The following SLC5A12 variants were observed in gnomAD, a reference collection of about 807,000 sequenced individuals.
SLC5A12 encodes the protein solute carrier family 5 member 12, also known as sodium-coupled monocarboxylate transporter 2.
In SLC5A12, 46 loss-of-function variants were observed where a neutral mutation model predicts 72.7. The ratio of observed to expected loss-of-function variants is 0.63; its 90% CI spans 0.50 to 0.81. The LOEUF is 0.81. Ranked by LOEUF, SLC5A12 falls within the 30% of genes least tolerant of loss-of-function variation. SLC5A12 has a pLI of 0.00. For synonymous variants in SLC5A12, 275 were observed against 264.4 expected (o/e 1.04, Z -0.39); for missense variants, 683 against 740.7 (o/e 0.92, Z 0.90).
At chr11:26,706,980 A>G (rs907580804) in intron 4 of SLC5A12, among the ~76,000 whole-genome samples, 1 of 151,902 alleles carries the variant, frequency 6.6e-6, no homozygotes, top group East Asian at 1.9e-4. Flanking sequence ...TAAAACTGTC[A>G]TATTTTAATG....
At chr11:26,699,100 A>AAAATAAAATGGG (rs1854897853) in intron 6 of SLC5A12, among the ~76,000 whole-genome samples, 1 of 152,214 alleles carries the variant, frequency 6.6e-6, no homozygotes, top group Non-Finnish European at 1.5e-5. Context: ...AATTCATTTT[A>AAAATAAAATGGG]TTTTAAAACC....
rs1009738211 is a variant in SLC5A12 at position 26,670,870 on chromosome 11, G to A, written c.*232C>T. 3.6e-5 allele frequency: 13 copies of A among 358,828 alleles called. No individual in the cohort carries two copies. The highest frequency in any genetic ancestry group is 5.0e-5 in the Non-Finnish European group (10 of 201,626). 22.2% of individuals were successfully genotyped at this position (358,828 alleles called of 1,614,324 possible). Reference sequence around the variant, plus strand: ...TTATTCAAGAAGGAAGTAGTCAAGGGCATTTGGAGCAGGTTGGTTTTTCTC... The same window carrying A: ...TTATTCAAGAAGGAAGTAGTCAAGGACATTTGGAGCAGGTTGGTTTTTCTC... On this transcript the variant is annotated 3_prime_UTR_variant, in exon 15 of 15. Coordinates refer to ENST00000396005, the MANE Select transcript of SLC5A12 (RefSeq NM_178498.4).
intron 13 of SLC5A12, among the ~76,000 whole-genome samples, chr11:26,676,356 AAAC>A (rs1435946097): frequency 2.1e-5 from 3 of 144,126 alleles, no homozygotes; most frequent in South Asian, 4.3e-4. Flanking sequence ...TGTTTCTAGA[AAAC>A]AAAAAAAAAA....
chr11:26,695,040 A>G (rs988671383), intron 8 of SLC5A12, among the ~76,000 whole-genome samples: 1 of 152,032 alleles, frequency 6.6e-6, no homozygotes, highest in Non-Finnish European at 1.5e-5. Flanking sequence ...AAAAAAGTCA[A>G]GAATATCTGT....
chr11:26,687,009 G>C (rs758571269), intron 9 of SLC5A12, among the ~76,000 whole-genome samples: 6 of 152,018 alleles, frequency 3.9e-5, no homozygotes, highest in Non-Finnish European at 8.8e-5. Flanking sequence ...AACAGGTTTC[G>C]CAAATCTGGA....
At chr11:26,672,606 A>T (rs1346749628) in intron 14 of SLC5A12, among the ~76,000 whole-genome samples, 1 of 152,086 alleles carries the variant, frequency 6.6e-6, no homozygotes, top group Admixed American at 6.6e-5. Flanking sequence ...CTTACAAAAG[A>T]CATGTTCTTC....
intron 4 of SLC5A12, among the ~76,000 whole-genome samples, chr11:26,704,540 G>C (rs1322781078): frequency 6.6e-6 from 1 of 152,180 alleles, no homozygotes; most frequent in African/African-American, 2.4e-5. Flanking sequence ...GCATTAGCAA[G>C]AGTTATATGA....
rs1236651706 is a variant in SLC5A12, at chr11:26,668,509, T to A, written c.*2593A>T. The A allele has an allele frequency of 1.3e-5, 2 of 152,102 alleles. No individual in the cohort carries two copies. The highest frequency in any genetic ancestry group is 2.9e-5 in the Non-Finnish European group (2 of 68,030). The allele number at this position is 152,102 out of a possible 1,614,324, so 9.4% of individuals were successfully genotyped here. A position where few individuals can be genotyped will look rare whatever the true frequency, so the allele number is the denominator to read the frequency against. On this transcript the variant is annotated 3_prime_UTR_variant, in exon 15 of 15. Transcript: ENST00000396005. ...CAGTGGCCTTGGCATGACTCTGGGC[T>A]GCTAATCCTAGTGAGGGCCTGAAAG...
chr11:26,675,265 A>ATT (rs951933132), intron 13 of SLC5A12, among the ~76,000 whole-genome samples: 5 of 152,154 alleles, frequency 3.3e-5, no homozygotes, highest in African/African-American at 1.2e-4. Context: ...CTTCATATGG[A>ATT]TTTAGATTCT....
rs369432900 is a variant in SLC5A12 at position 26,720,645 on chromosome 11, T to C, written c.339+731A>G. Among the ~76,000 whole-genome samples the C allele has an allele frequency of 2.2e-4, 34 of 152,270 alleles. No homozygotes were observed. In the East Asian group the frequency reaches 3.7e-3, roughly 16 times the overall value. On this transcript the variant is annotated intron_variant, in intron 1 of 14. Coordinates refer to ENST00000396005, the MANE Select transcript of SLC5A12 (RefSeq NM_178498.4). ...TGGATAATGAAAATAAATACCTTAT[T>C]AATAGAAACTTATGTTTGATCACAT...
At chr11:26,673,654 G>A (rs1854198439) in intron 13 of SLC5A12, 125 bp from the exon 14 acceptor site, 1 of 1,266,394 alleles carries the variant, frequency 7.9e-7, no homozygotes, top group South Asian at 1.8e-5. Flanking sequence ...AAGATTGAGT[G>A]GTTAATAAAC....
chr11:26,692,328 C>T, intron 9 of SLC5A12, 161 bp downstream of exon 9: 1 of 604,980 alleles, frequency 1.7e-6, no homozygotes, highest in South Asian at 2.0e-5. Context: ...TGATACCCTG[C>T]TGGATCTTTG....
At chr11:26,700,296 G>A (rs896702565) in intron 6 of SLC5A12, among the ~76,000 whole-genome samples, 3 of 152,014 alleles carry the variant, frequency 2.0e-5, no homozygotes, top group African/African-American at 4.8e-5. Context: ...TTTTGAATTC[G>A]TTTCTCATTT....
Position 26,712,719 on chromosome 11 carries a change from G to T in SLC5A12, c.340-13C>A. The T allele has an allele frequency of 6.4e-7, 1 of 1,573,404 alleles. No individual in the cohort carries two copies. The highest frequency in any genetic ancestry group is 1.2e-5 in the South Asian group (1 of 86,762). ...GTAGTTGTAAGTACTAAAGGAAACAGAAAGACATGCAGAGTCAGTGAGGTT... is the reference window on the plus strand; with the variant it reads ...GTAGTTGTAAGTACTAAAGGAAACATAAAGACATGCAGAGTCAGTGAGGTT... On this transcript the variant is annotated splice_polypyrimidine_tract_variant and intron_variant, in intron 1 of 14. Transcript: ENST00000396005.
chr11:26,709,833 T>C (rs1378091397), intron 3 of SLC5A12, among the ~76,000 whole-genome samples: 2 of 152,138 alleles, frequency 1.3e-5, no homozygotes, highest in Non-Finnish European at 2.9e-5. Context: ...TTCTCTTCTC[T>C]GACCATCATG....
intron 1 of SLC5A12, among the ~76,000 whole-genome samples, chr11:26,715,355 T>A (rs547475921): frequency 6.6e-6 from 1 of 152,200 alleles, no homozygotes; most frequent in South Asian, 2.1e-4. Flanking sequence ...TTGAGGGTGT[T>A]ATCATTGGCA....
intron 9 of SLC5A12, among the ~76,000 whole-genome samples, chr11:26,687,826 T>A (rs879030572): frequency 6.6e-6 from 1 of 152,222 alleles, no homozygotes; most frequent in Admixed American, 6.5e-5. Flanking sequence ...GTATTCCAAC[T>A]ATCTATTATA....
chr11:26,684,059 T>C (rs1337038679), intron 10 of SLC5A12, among the ~76,000 whole-genome samples: 1 of 152,010 alleles, frequency 6.6e-6, no homozygotes, highest in African/African-American at 2.4e-5. Flanking sequence ...TGTGTTTGTA[T>C]AGTAGAAAGG....
chr11:26,720,505 C>T (rs1366101298), intron 1 of SLC5A12, among the ~76,000 whole-genome samples: 1 of 151,864 alleles, frequency 6.6e-6, no homozygotes, highest in Non-Finnish European at 1.5e-5. Context: ...AAAAAGTGTT[C>T]ATTTGCCTGA....
Sources: gnomAD v4.1 joint callset for allele counts (sites outside exome capture counted in the v4.1 genomes callset) on GRCh38, gnomAD v4.1.1 for gene constraint, MANE v1.5 for transcripts, NCBI Gene and HGNC (gene_info 2026-07-23, HGNC 2026-07-21) for gene names.